Variants in HARS1 observed in about 807,000 individuals in gnomAD.
The protein encoded by HARS1 is histidyl-tRNA synthetase 1.
HARS1 carries 45 observed loss-of-function variants against 63.6 expected under a neutral mutation model. That is an observed-to-expected ratio of 0.71 (90% CI 0.56 to 0.91). The LOEUF is 0.91. Among genes scored for constraint, HARS1 ranks in the 40% least tolerant of loss-of-function variants. The pLI, the probability that HARS1 is intolerant of heterozygous loss-of-function variation, is 0.00. For missense variants in HARS1, 508 were observed against 643.2 expected, an observed-to-expected ratio of 0.79 and a Z score of 2.27; for synonymous variants, 205 against 247.1, an observed-to-expected ratio of 0.83 and a Z score of 1.60.
At chr5:140,685,897 T>TTA (rs2149836112) in intron 2 of HARS1, among the ~76,000 whole-genome samples, 1 of 152,216 alleles carries the variant, frequency 6.6e-6, no homozygotes, top group South Asian at 2.1e-4. Context: ...GAAGCCTTAT[T>TTA]TATTTACATC....
intron 11 of HARS1, 63 bp downstream of exon 11, chr5:140,674,954 T>C: frequency 6.8e-7 from 1 of 1,476,056 alleles, no homozygotes; most frequent in Admixed American, 1.7e-5. Context: ...ATGGGTGAGC[T>C]TTTATTCAGT....
rs761474865 is a variant in HARS1 at position 140,677,715 on chromosome 5, G to A, written c.669C>T (p.Ile223=). 54 of 1,611,672 alleles carry A rather than the reference G, an allele frequency of 3.4e-5. No individual in the cohort carries two copies. Among genetic ancestry groups the A allele is most frequent in the Non-Finnish European group, 4.4e-5 (52 of 1,179,246 alleles). The part of the protein sequence containing the change: ...DRRILDGMFA[I]CGVSDSKFRT... ...GGAACTTGCTGTCAGAAACACCACAGATAGCAAACATCCCATCTAGAATGC... is the reference window on the plus strand; with the variant it reads ...GGAACTTGCTGTCAGAAACACCACAAATAGCAAACATCCCATCTAGAATGC... Residue 223 remains isoleucine, a synonymous_variant, in exon 7 of 13, where the codon ATC becomes ATT. Transcript: ENST00000504156.
Position 140,679,571 on chromosome 5 carries a change from G to C in HARS1, c.396+217C>G. Reference sequence around the variant, plus strand: ...GGGGATGACTGTAGAGTTGGAACTGGGCCCTGACATCAAGCTGAGGTCTCA... The same window carrying C: ...GGGGATGACTGTAGAGTTGGAACTGCGCCCTGACATCAAGCTGAGGTCTCA... On this transcript the variant is annotated intron_variant, in intron 4 of 12. Coordinates refer to ENST00000504156, the MANE Select transcript of HARS1 (RefSeq NM_002109.6). The surrounding 1 kb of genome is among the most constrained non-coding windows in gnomAD (Gnocchi z 4.3). 1 of 494,088 alleles carries C rather than the reference G, an allele frequency of 2.0e-6. No individual in the cohort carries two copies. The highest frequency in any genetic ancestry group is 3.6e-6 in the Non-Finnish European group (1 of 281,088). The allele number at this position is 494,088 out of a possible 1,614,324, so 30.6% of individuals were successfully genotyped here.
chr5:140,681,591 C>G (rs1758734894), intron 3 of HARS1, among the ~76,000 whole-genome samples: 1 of 152,112 alleles, frequency 6.6e-6, no homozygotes, highest in Admixed American at 6.5e-5. Flanking sequence ...ATCGCTTGAA[C>G]CTGGGAGGTG....
chr5:140,674,568 T>G, intron 12 of HARS1, 111 bp downstream of exon 12: 27 of 1,215,270 alleles, frequency 2.2e-5, no homozygotes, highest in Non-Finnish European at 3.0e-5. Flanking sequence ...AAGGCTTTTA[T>G]GAGTTGTACT....
intron 2 of HARS1, among the ~76,000 whole-genome samples, chr5:140,690,174 G>A (rs538263201): frequency 6.6e-6 from 1 of 152,058 alleles, no homozygotes; most frequent in African/African-American, 2.4e-5. Context: ...TGTGGTGGCC[G>A]GGTGCGGTGG....
At chr5:140,689,931 C>T (rs1759277677) in intron 2 of HARS1, among the ~76,000 whole-genome samples, 1 of 152,116 alleles carries the variant, frequency 6.6e-6, no homozygotes, top group Non-Finnish European at 1.5e-5. Context: ...GTAGATCATC[C>T]TCTAGTTCCT....
intron 2 of HARS1, 183 bp from the exon 3 acceptor site, chr5:140,683,402 T>C: frequency 1.2e-6 from 1 of 841,456 alleles, no homozygotes; most frequent in Non-Finnish European, 1.7e-6. Context: ...CCCACACCCA[T>C]TTGCTATCTG....
At chr5:140,677,170 G>C (rs1157516218) in intron 8 of HARS1, 54 bp from the exon 9 acceptor site, 2 of 1,602,196 alleles carry the variant, frequency 1.2e-6, no homozygotes, top group African/African-American at 2.7e-5. Flanking sequence ...AAGGTAAGGA[G>C]GGTTGACCTT....
rs1759366437 is a variant in HARS1, at chr5:140,690,800, C to T, written c.180+55G>A. Reference sequence around the variant, plus strand: ...TGGTTTAGGGAGGCAGACATAAGCGCCCCGTGAGTAGAGTTAGAGACTTTC... The same window carrying T: ...TGGTTTAGGGAGGCAGACATAAGCGTCCCGTGAGTAGAGTTAGAGACTTTC... On this transcript the variant is annotated intron_variant, in intron 2 of 12. Coordinates refer to ENST00000504156, the MANE Select transcript of HARS1 (RefSeq NM_002109.6). 9.2e-6 allele frequency: 9 copies of T among 974,282 alleles called. No homozygotes were observed. In the East Asian group the frequency reaches 1.7e-4, roughly 18 times the overall value. The allele number at this position is 974,282 out of a possible 1,614,324, so 60.4% of individuals were successfully genotyped here.
At position 140,677,102 on chromosome 5, in the gene HARS1, C is replaced by A. The variant is rs755882900; in HGVS notation, c.838G>T (p.Val280Leu). ...YVQQHGGVSL[V>L]EQLLQDPKLS... ...TTAGGATCCTGGAGCAGCTGTTCCA[C>A]CAGGGATACCCCACCTGGGGAGACA... The change falls in exon 9 of 13, where the codon GTG becomes TTG. Residue 280 changes from valine (V) to leucine (L), a missense_variant. This residue lies in a region of HARS1 where 403 missense variants were observed against 548.7 expected (regional missense o/e 0.73). Transcript: ENST00000504156. The A allele has an allele frequency of 1.2e-6, 2 of 1,614,048 alleles. No homozygotes were observed. The highest frequency in any genetic ancestry group is 1.7e-6 in the Non-Finnish European group (2 of 1,179,974).
At position 140,679,902 on chromosome 5, in the gene HARS1, A is replaced by C; in HGVS notation, c.301-19T>G. ...GTGTTTCCTGGAGAAAACATAAATAAATGTGGTCATAATAATAAACATAAC... is the reference window on the plus strand; with the variant it reads ...GTGTTTCCTGGAGAAAACATAAATACATGTGGTCATAATAATAAACATAAC... On this transcript the variant is annotated intron_variant, in intron 3 of 12. Coordinates refer to ENST00000504156, the MANE Select transcript of HARS1 (RefSeq NM_002109.6). The surrounding 1 kb of genome is among the most constrained non-coding windows in gnomAD (Gnocchi z 4.3). The C allele has an allele frequency of 1.5e-6, 2 of 1,308,550 alleles. No individual in the cohort carries two copies. The highest frequency in any genetic ancestry group is 2.2e-6 in the Non-Finnish European group (2 of 904,742). 81.1% of individuals were successfully genotyped at this position (1,308,550 alleles called of 1,614,324 possible). A position where few individuals can be genotyped will look rare whatever the true frequency, so the allele number is the denominator to read the frequency against.
Position 140,679,667 on chromosome 5 carries a change from A to AG in HARS1, c.396+120_396+121insC. 1.8e-6 allele frequency: 1 copy of AG among 563,776 alleles called. No individual in the cohort carries two copies. The highest frequency in any genetic ancestry group is 2.5e-5 in the South Asian group (1 of 39,262). 34.9% of individuals were successfully genotyped at this position (563,776 alleles called of 1,614,324 possible). A position where few individuals can be genotyped will look rare whatever the true frequency, so the allele number is the denominator to read the frequency against. ...CAAAGTTCCACTCCTGGTTTAGAGA[A>AG]ATAATTCCCCTAATCGCCAAAGGCC... is the stretch of plus-strand genomic sequence containing the variant. On this transcript the variant is annotated intron_variant, in intron 4 of 12. Coordinates refer to ENST00000504156, the MANE Select transcript of HARS1 (RefSeq NM_002109.6). This position sits in a 1 kb window ranked among gnomAD's most constrained non-coding sequence, Gnocchi z 4.3.
intron 5 of HARS1, chr5:140,678,326 G>A (rs1758514757): frequency 2.5e-6 from 1 of 392,412 alleles, no homozygotes; most frequent in African/African-American, 2.0e-5. Flanking sequence ...CCTGGCATCA[G>A]TCTGGATGAT....
At chr5:140,689,284 A>G (rs801185) in intron 2 of HARS1, among the ~76,000 whole-genome samples, 65,338 of 151,982 alleles carry the variant, frequency 0.43, 14,285 homozygotes, top group East Asian at 0.46. Flanking sequence ...GCCCCATGTG[A>G]ATACCAAAAA....
rs1386310873 is a variant in HARS1, at chr5:140,691,359, C to A, written c.-55G>T. Reference sequence around the variant, plus strand: ...CTCGACCTGCGGTGGTTGCCCCAGCCTCAGCAAGGATGACTTCCGGCTATC... The same window carrying A: ...CTCGACCTGCGGTGGTTGCCCCAGCATCAGCAAGGATGACTTCCGGCTATC... On this transcript the variant is annotated 5_prime_UTR_variant, in exon 1 of 13. In the 5' UTR this introduces an upstream ATG that the reference lacks. Coordinates refer to ENST00000504156, the MANE Select transcript of HARS1 (RefSeq NM_002109.6). 7.3e-7 allele frequency: 1 copy of A among 1,371,794 alleles called. No homozygotes were observed. Among genetic ancestry groups the A allele is most frequent in the East Asian group, 2.3e-5 (1 of 42,554 alleles). The allele number at this position is 1,371,794 out of a possible 1,614,324, so 85.0% of individuals were successfully genotyped here.
chr5:140,691,340 C>A lies in HARS1; in HGVS notation c.-36G>T. 6.6e-7 allele frequency: 1 copy of A among 1,520,402 alleles called. No homozygotes were observed. The allele number at this position is 1,520,402 out of a possible 1,614,324, so 94.2% of individuals were successfully genotyped here. On this transcript the variant is annotated 5_prime_UTR_variant, in exon 1 of 13. The change creates a new upstream start codon in the 5' untranslated region. Transcript: ENST00000504156. ...CACTTGAGCCGCCTGCTGTCTCGACCTGCGGTGGTTGCCCCAGCCTCAGCA... is the reference window on the plus strand; with the variant it reads ...CACTTGAGCCGCCTGCTGTCTCGACATGCGGTGGTTGCCCCAGCCTCAGCA...
At chr5:140,681,916 A>G (rs1184764053) in intron 3 of HARS1, among the ~76,000 whole-genome samples, 1 of 152,234 alleles carries the variant, frequency 6.6e-6, no homozygotes, top group Non-Finnish European at 1.5e-5. Flanking sequence ...GTACAATTAA[A>G]TATCAATAAA....
chr5:140,684,350 AT>A, intron 2 of HARS1: 2 of 983,778 alleles, frequency 2.0e-6, no homozygotes, highest in Non-Finnish European at 2.4e-6. Flanking sequence ...CAACAAAAAA[AT>A]ACCTACATGA....
Sources: gnomAD v4.1 joint callset for allele counts (sites outside exome capture counted in the v4.1 genomes callset) on GRCh38, gnomAD v4.1.1 for gene constraint, gnomAD v4.1.1 regional missense constraint, Gnocchi (gnomAD v3.1) non-coding constraint, MANE v1.5 for transcripts, NCBI Gene and HGNC (gene_info 2026-07-23, HGNC 2026-07-21) for gene names.